Variants in TAOK1 observed in about 807,000 individuals in gnomAD.
TAOK1 encodes the protein TAO kinase 1.
A neutral mutation model predicts 138.3 loss-of-function variants in TAOK1; 21 were observed. That is an observed-to-expected ratio of 0.15 (90% CI 0.11 to 0.22). The LOEUF is 0.22. Among genes scored for constraint, TAOK1 ranks in the 10% least tolerant of loss-of-function variants. TAOK1 has a pLI of 1.00. For synonymous variants in TAOK1, 361 were observed against 398.4 expected, an observed-to-expected ratio of 0.91 and a Z score of 1.12; for missense variants, 651 against 1,227.7, an observed-to-expected ratio of 0.53 and a Z score of 7.02.
intron 16 of TAOK1, 72 bp from the exon 17 acceptor site, chr17:29,522,208 C>T: frequency 6.4e-7 from 1 of 1,551,198 alleles, no homozygotes; most frequent in Non-Finnish European, 8.7e-7. Flanking sequence ...ACTGGTTATT[C>T]TGTTAATTAG....
At chr17:29,419,951 T>C (rs4795507) in intron 1 of TAOK1, among the ~76,000 whole-genome samples, 146,359 of 152,178 alleles carry the variant, frequency 0.96, 70,426 homozygotes, top group East Asian at 1. Flanking sequence ...AGAATCTTGG[T>C]TCACTGCAGC....
At chr17:29,518,048 CT>C (rs1403667250) in intron 16 of TAOK1, among the ~76,000 whole-genome samples, 21 of 152,136 alleles carry the variant, frequency 1.4e-4, no homozygotes, top group Middle Eastern at 3.4e-3. Flanking sequence ...TAGACATGGG[CT>C]TTCGCCATGT....
At chr17:29,493,008 G>A (rs935804573) in intron 10 of TAOK1, among the ~76,000 whole-genome samples, 5 of 151,700 alleles carry the variant, frequency 3.3e-5, no homozygotes, top group Admixed American at 1.3e-4. Context: ...GGGTGTGATG[G>A]TGGACTCGTG....
At chr17:29,517,430 T>C in intron 15 of TAOK1, 23 bp from the exon 16 acceptor site, 1 of 1,610,852 alleles carries the variant, frequency 6.2e-7, no homozygotes, top group Non-Finnish European at 8.5e-7. Context: ...TATTTTTACC[T>C]GAGTTGTTTT....
chr17:29,493,572 G>A (rs1343602617), intron 10 of TAOK1, among the ~76,000 whole-genome samples: 6 of 152,016 alleles, frequency 3.9e-5, no homozygotes, highest in East Asian at 3.9e-4. Flanking sequence ...TCTAACTCAG[G>A]TAGTAGTAAC....
chr17:29,520,747 G>A (rs910509874), intron 16 of TAOK1, among the ~76,000 whole-genome samples: 12 of 150,672 alleles, frequency 8.0e-5, no homozygotes, highest in East Asian at 2.0e-4. Flanking sequence ...TGAGCAGGCC[G>A]GGTAGTAGTG....
intron 13 of TAOK1, among the ~76,000 whole-genome samples, chr17:29,507,162 A>G (rs1369909954): frequency 6.6e-6 from 1 of 152,124 alleles, no homozygotes; most frequent in African/African-American, 2.4e-5. Flanking sequence ...GATAAAGGTG[A>G]TAGTTGCATG....
intron 1 of TAOK1, among the ~76,000 whole-genome samples, chr17:29,410,806 A>AT (rs1438006881): frequency 7.2e-5 from 10 of 139,806 alleles, no homozygotes; most frequent in African/African-American, 1.1e-4. Flanking sequence ...TGGCTAACGT[A>AT]TTTTTTTTAG....
At chr17:29,517,979 C>T (rs2031847972) in intron 16 of TAOK1, among the ~76,000 whole-genome samples, 2 of 152,124 alleles carry the variant, frequency 1.3e-5, no homozygotes, top group South Asian at 4.1e-4. Context: ...CCTCAGCCTC[C>T]CAAATAGCTA....
intron 10 of TAOK1, among the ~76,000 whole-genome samples, chr17:29,492,610 C>T (rs1567733814): frequency 1.3e-5 from 2 of 150,898 alleles, no homozygotes; most frequent in African/African-American, 4.9e-5. Context: ...GGCCAACATG[C>T]TGAAACCCCC....
At chr17:29,416,621 A>G (rs1905271813) in intron 1 of TAOK1, among the ~76,000 whole-genome samples, 2 of 152,184 alleles carry the variant, frequency 1.3e-5, no homozygotes, top group Non-Finnish European at 2.9e-5. Context: ...CCTTATTGCA[A>G]GCCGAAACTA....
At chr17:29,514,770 T>C (rs1328536345) in intron 15 of TAOK1, 1 of 149,676 alleles carries the variant, frequency 6.7e-6, no homozygotes, top group Non-Finnish European at 1.5e-5. Flanking sequence ...GGTGGGAGGA[T>C]CGCTTGAGCC....
intron 13 of TAOK1, among the ~76,000 whole-genome samples, chr17:29,503,389 C>CT (rs1306461276): frequency 2.5e-5 from 2 of 80,208 alleles, no homozygotes; most frequent in African/African-American, 5.5e-5. Context: ...GAGCAAGACT[C>CT]TGTCTCAAAA....
At chr17:29,407,578 C>G (rs1905029006) in intron 1 of TAOK1, among the ~76,000 whole-genome samples, 1 of 151,912 alleles carries the variant, frequency 6.6e-6, no homozygotes, top group Non-Finnish European at 1.5e-5. Flanking sequence ...TCCCTAGTAC[C>G]TGGGACTACA....
At chr17:29,480,224 C>T in intron 6 of TAOK1, 144 bp from the exon 7 acceptor site, 1 of 456,866 alleles carries the variant, frequency 2.2e-6, no homozygotes, top group East Asian at 3.5e-5. Context: ...ATTAATTCTC[C>T]TTATCCCAAT....
chr17:29,458,997 G>A (rs2030466837), intron 2 of TAOK1, among the ~76,000 whole-genome samples: 1 of 152,186 alleles, frequency 6.6e-6, no homozygotes, highest in East Asian at 1.9e-4. Flanking sequence ...TGAGATTATA[G>A]GCATGAGCCA....
rs60665025 is a variant in TAOK1, at chr17:29,397,607, C to CCCCCAAAA, written c.-95+6583_-95+6584insCCCCAAAA. ...AACAGAGTGAGATTCCGTCCCCCCC[C>CCCCCAAAA]AAAAAAATATATATATATATATACA... On this transcript the variant is annotated intron_variant, in intron 1 of 19. Coordinates refer to ENST00000261716, the MANE Select transcript of TAOK1 (RefSeq NM_020791.4). 1.4e-3 allele frequency among the ~76,000 whole-genome samples: 133 copies of CCCCCAAAA among 94,598 alleles called. 4 individuals carry two copies. Among genetic ancestry groups the CCCCCAAAA allele is most frequent in the East Asian group, 5.9e-3 (21 of 3,544 alleles). 62.1% of individuals were successfully genotyped at this position (94,598 alleles called of 152,430 possible). A position where few individuals can be genotyped will look rare whatever the true frequency, so the allele number is the denominator to read the frequency against.
chr17:29,423,727 G>A (rs1174412255), intron 1 of TAOK1, among the ~76,000 whole-genome samples: 1 of 149,324 alleles, frequency 6.7e-6, no homozygotes, highest in Non-Finnish European at 1.5e-5. Context: ...AAAACATACT[G>A]TCTGAATTTA....
At chr17:29,483,625 A>G (rs1231938837) in intron 8 of TAOK1, among the ~76,000 whole-genome samples, 1 of 151,968 alleles carries the variant, frequency 6.6e-6, no homozygotes, top group East Asian at 1.9e-4. Context: ...ATCTTTAAGT[A>G]TTTTCACTTT....
Sources: gnomAD v4.1 joint callset for allele counts (sites outside exome capture counted in the v4.1 genomes callset) on GRCh38, gnomAD v4.1.1 for gene constraint, MANE v1.5 for transcripts, NCBI Gene and HGNC (gene_info 2026-07-23, HGNC 2026-07-21) for gene names.